The following MACROD2 variants were observed in gnomAD, a reference collection of about 807,000 sequenced individuals.
The protein encoded by MACROD2 is mono-ADP ribosylhydrolase 2.
Under a neutral mutation model 70.4 loss-of-function variants are expected in MACROD2, and 36 were observed. That is an observed-to-expected ratio of 0.51 (90% CI 0.39 to 0.68). The LOEUF (loss-of-function observed/expected upper bound fraction) is 0.68. MACROD2 is among the 30% of genes least tolerant of loss of function. The pLI, the probability that MACROD2 is intolerant of heterozygous loss-of-function variation, is 0.00. For missense variants in MACROD2, 496 were observed against 538.4 expected, an observed-to-expected ratio of 0.92 and a Z score of 0.78; for synonymous variants, 172 against 178.8, an observed-to-expected ratio of 0.96 and a Z score of 0.30.
intron 5 of MACROD2, among the ~76,000 whole-genome samples, chr20:15,191,650 C>A (rs896384078): frequency 6.6e-6 from 1 of 152,112 alleles, no homozygotes; most frequent in Non-Finnish European, 1.5e-5. Context: ...AGGGCATAAG[C>A]CATTCCACCT....
intron 5 of MACROD2, among the ~76,000 whole-genome samples, chr20:14,851,281 A>T (rs2122314564): frequency 6.6e-6 from 1 of 152,276 alleles, no homozygotes; most frequent in South Asian, 2.1e-4. Flanking sequence ...ATAACAAATT[A>T]ACCGTCCTCT....
chr20:14,423,779 T>TTTTTTTTTTA (rs768136592), intron 3 of MACROD2, among the ~76,000 whole-genome samples: 3 of 104,726 alleles, frequency 2.9e-5, no homozygotes, highest in South Asian at 4.1e-4. Context: ...TTTTTTTTTT[T>TTTTTTTTTTA]GAGACGGAGT....
intron 8 of MACROD2, among the ~76,000 whole-genome samples, chr20:15,720,383 C>T (rs2050770433): frequency 6.6e-6 from 1 of 152,126 alleles, no homozygotes; most frequent in Non-Finnish European, 1.5e-5. Flanking sequence ...ATACTATTTC[C>T]CATAATGGCT....
At chr20:15,405,440 G>T (rs2045987662) in intron 6 of MACROD2, among the ~76,000 whole-genome samples, 1 of 152,146 alleles carries the variant, frequency 6.6e-6, no homozygotes, top group Admixed American at 6.5e-5. Context: ...CCAGCACCGT[G>T]GTGTGGCCCA....
chr20:15,405,703 C>T (rs1418528408), intron 6 of MACROD2, among the ~76,000 whole-genome samples: 1 of 152,196 alleles, frequency 6.6e-6, no homozygotes. Context: ...AGCTCACGTG[C>T]CATTGCCCCA....
At chr20:15,220,490 T>C (rs1217805853) in intron 5 of MACROD2, among the ~76,000 whole-genome samples, 1 of 152,250 alleles carries the variant, frequency 6.6e-6, no homozygotes, top group Non-Finnish European at 1.5e-5. Flanking sequence ...TAGGTAGTCA[T>C]ATCGGATTGC....
intron 5 of MACROD2, among the ~76,000 whole-genome samples, chr20:15,156,756 G>A (rs560710098): frequency 6.6e-6 from 1 of 152,284 alleles, no homozygotes; most frequent in Non-Finnish European, 1.5e-5. Context: ...GTGGTTTCCT[G>A]ATCTGCTTCT....
chr20:15,044,025 T>C (rs1232545486), intron 5 of MACROD2, among the ~76,000 whole-genome samples: 2 of 152,160 alleles, frequency 1.3e-5, no homozygotes, highest in Non-Finnish European at 2.9e-5. Context: ...AGGGTTTTTA[T>C]GGAGGTGTCA....
At chr20:15,569,693 A>T (rs889717501) in intron 8 of MACROD2, among the ~76,000 whole-genome samples, 3 of 152,106 alleles carry the variant, frequency 2.0e-5, no homozygotes, top group Non-Finnish European at 2.9e-5. Flanking sequence ...CGTCCTCCAG[A>T]TTTAGCTATA....
At chr20:14,407,215 T>C (rs1439038829) in intron 3 of MACROD2, among the ~76,000 whole-genome samples, 1 of 152,140 alleles carries the variant, frequency 6.6e-6, no homozygotes, top group Non-Finnish European at 1.5e-5. Context: ...CTATTTTCTC[T>C]ATTTTTGTTT....
chr20:14,897,132 T>C (rs1045190395), intron 5 of MACROD2, among the ~76,000 whole-genome samples: 3 of 152,050 alleles, frequency 2.0e-5, no homozygotes, highest in African/African-American at 7.2e-5. Context: ...AGGCCTGGGG[T>C]ACGAAAAATG....
At chr20:15,278,932 T>A (rs574624678) in intron 6 of MACROD2, among the ~76,000 whole-genome samples, 93 of 152,346 alleles carry the variant, frequency 6.1e-4, no homozygotes, top group African/African-American at 2.2e-3. Flanking sequence ...TTCCTGAATG[T>A]GAAATGGATG....
intron 8 of MACROD2, among the ~76,000 whole-genome samples, chr20:15,570,716 G>T (rs970666077): frequency 6.6e-6 from 1 of 152,178 alleles, no homozygotes; most frequent in African/African-American, 2.4e-5. Flanking sequence ...TTTAGCAAAA[G>T]AAGTATTAGA....
At chr20:15,280,628 G>T (rs2077435443) in intron 6 of MACROD2, 1 of 152,138 alleles carries the variant, frequency 6.6e-6, no homozygotes, top group Non-Finnish European at 1.5e-5. Context: ...TAATTTTAAT[G>T]GTAGAGCACT....
rs1045797859 is a variant in MACROD2 at position 14,548,369 on chromosome 20, T to A, written c.301+54861T>A. On this transcript the variant is annotated intron_variant, in intron 4 of 17. Coordinates refer to ENST00000684519, the MANE Select transcript of MACROD2 (RefSeq NM_001351661.2). Reference sequence around the variant, plus strand: ...TGGTGTGAAGCATTTCTACTATATCTTTTTTTTTCAATCATTTTCACCTTT... The same window carrying A: ...TGGTGTGAAGCATTTCTACTATATCATTTTTTTTCAATCATTTTCACCTTT... Among the ~76,000 whole-genome samples the A allele has an allele frequency of 5.9e-5, 9 of 151,634 alleles. No homozygotes were observed. In the East Asian group the frequency reaches 1.5e-3, roughly 26 times the overall value.
intron 5 of MACROD2, among the ~76,000 whole-genome samples, chr20:15,209,108 G>C (rs1202655698): frequency 7.5e-6 from 1 of 132,490 alleles, no homozygotes; most frequent in African/African-American, 2.8e-5. Flanking sequence ...TGGTGGTGGT[G>C]GTGGTGGTAT....
intron 3 of MACROD2, among the ~76,000 whole-genome samples, chr20:14,303,008 T>G (rs1160482329): frequency 6.6e-6 from 1 of 152,172 alleles, no homozygotes; most frequent in African/African-American, 2.4e-5. Context: ...ACTGAAAGAT[T>G]GTTAAACATT....
rs557152751 is a variant in MACROD2, at chr20:14,899,377, C to T, written c.418+214418C>T. On this transcript the variant is annotated intron_variant, in intron 5 of 17. Coordinates refer to ENST00000684519, the MANE Select transcript of MACROD2 (RefSeq NM_001351661.2). ...TCTCACAGTTCTGAAGGGTAGAGGC[C>T]TGAGATCAAGGTGCTGGGTTTGCTT... Among the ~76,000 whole-genome samples, 10 of 152,224 alleles carry T rather than the reference C, an allele frequency of 6.6e-5. No homozygotes were observed. The South Asian group carries it at 2.1e-3, about 32-fold the overall frequency.
At chr20:15,430,627 A>G (rs2146356330) in intron 6 of MACROD2, among the ~76,000 whole-genome samples, 1 of 152,164 alleles carries the variant, frequency 6.6e-6, no homozygotes, top group East Asian at 1.9e-4. Context: ...AATTCTCTGA[A>G]CACTGCTAAG....
Sources: allele counts gnomAD v4.1 joint callset (sites outside exome capture counted in the v4.1 genomes callset), GRCh38; gene constraint gnomAD v4.1.1; transcripts MANE v1.5; gene names NCBI Gene and HGNC (gene_info 2026-07-23, HGNC 2026-07-21).